The following PPP1CB variants were observed in gnomAD, a reference collection of about 807,000 sequenced individuals.
The protein encoded by PPP1CB is protein phosphatase 1 catalytic subunit beta.
In PPP1CB, 2 loss-of-function variants were observed where a neutral mutation model predicts 43.7. That is an observed-to-expected ratio of 0.05 (90% CI 0.02 to 0.14). PPP1CB has a LOEUF of 0.14. PPP1CB is among the 10% of genes least tolerant of loss of function. The pLI is 1.00. For missense variants in PPP1CB, 84 were observed against 398.0 expected, an observed-to-expected ratio of 0.21 and a Z score of 6.71; for synonymous variants, 136 against 135.6, an observed-to-expected ratio of 1.00 and a Z score of -0.02.
chr2:28,754,954 A>G lies in PPP1CB; in HGVS notation c.52+2778A>G, dbSNP rs1351791282. On this transcript the variant is annotated intron_variant, in intron 1 of 7. Coordinates refer to ENST00000395366, the MANE Select transcript of PPP1CB (RefSeq NM_002709.3). ...TGTTTTTTCTTTTTTACTGTATTAA[A>G]TCGCAGATCAGCTATACACACTTCT... Among the ~76,000 whole-genome samples the G allele has an allele frequency of 2.6e-5, 4 of 152,348 alleles. No individual in the cohort carries two copies. In the South Asian group the frequency reaches 6.2e-4, roughly 24 times the overall value.
intron 5 of PPP1CB, among the ~76,000 whole-genome samples, chr2:28,785,987 A>G (rs1667258731): frequency 6.6e-6 from 1 of 152,142 alleles, no homozygotes; most frequent in Admixed American, 6.5e-5. Flanking sequence ...AGTTTTCAAG[A>G]TGCTGAAAAC....
At chr2:28,799,030 CAA>C (rs1667554258) in intron 7 of PPP1CB, among the ~76,000 whole-genome samples, 167 bp from the exon 8 acceptor site, 2 of 152,022 alleles carry the variant, frequency 1.3e-5, no homozygotes, top group Non-Finnish European at 2.9e-5. Flanking sequence ...AGTGGAATGA[CAA>C]AGTTCAGACA....
Position 28,790,261 on chromosome 2 carries a change from A to C in PPP1CB, c.744+1452A>C, listed in dbSNP as rs2148057833. Among the ~76,000 whole-genome samples, 4 of 152,276 alleles carry C rather than the reference A, an allele frequency of 2.6e-5. No homozygotes were observed. The Middle Eastern group carries it at 0.014, about 518-fold the overall frequency. On this transcript the variant is annotated intron_variant, in intron 6 of 7. Transcript: ENST00000395366. ...GTACCATTTCACTCCTGCCTGTGCAATGGGTGTGAAACTCAGTCTCAAAAA... is the reference window on the plus strand; with the variant it reads ...GTACCATTTCACTCCTGCCTGTGCACTGGGTGTGAAACTCAGTCTCAAAAA...
rs1350883492 is a variant in PPP1CB, at chr2:28,770,387, G to A, written c.53-6464G>A. The stretch of plus-strand genomic sequence containing the variant: ...AAATGAGGAAGTAAAAAAAAGGGGG[G>A]GGGGAGGGGGGTGTGGGGGAGACGA... On this transcript the variant is annotated intron_variant, in intron 1 of 7. Transcript: ENST00000395366. Among the ~76,000 whole-genome samples the A allele has an allele frequency of 2.9e-4, 42 of 143,436 alleles. 2 individuals are homozygous for A. The highest frequency in any genetic ancestry group is 2.8e-3 in the Admixed American group (39 of 14,178). The allele number at this position is 143,436 out of a possible 152,430, so 94.1% of individuals were successfully genotyped here.
chr2:28,793,822 C>T (rs1667440549), intron 6 of PPP1CB, 41 bp from the exon 7 acceptor site: 1 of 1,609,600 alleles, frequency 6.2e-7, no homozygotes, highest in South Asian at 1.1e-5. Flanking sequence ...TCAGAATTAC[C>T]CACCAATAAA....
At chr2:28,776,063 C>T (rs955200437) in intron 1 of PPP1CB, among the ~76,000 whole-genome samples, 4 of 151,872 alleles carry the variant, frequency 2.6e-5, no homozygotes, top group African/African-American at 9.7e-5. Context: ...CTGCTGGTAA[C>T]ATTCCAAGAA....
intron 7 of PPP1CB, among the ~76,000 whole-genome samples, chr2:28,795,555 A>G (rs182041103): frequency 6.6e-6 from 1 of 152,220 alleles, no homozygotes; most frequent in East Asian, 1.9e-4. Flanking sequence ...GATTTACATT[A>G]ATAGTGATGA....
At chr2:28,752,609 C>T (rs2148450446) in intron 1 of PPP1CB, among the ~76,000 whole-genome samples, 1 of 152,306 alleles carries the variant, frequency 6.6e-6, no homozygotes, top group Middle Eastern at 3.4e-3. Flanking sequence ...TTGCCCTTGG[C>T]TGCCTCCGAT....
chr2:28,771,729 T>G (rs985258956), intron 1 of PPP1CB, among the ~76,000 whole-genome samples: 1 of 152,040 alleles, frequency 6.6e-6, no homozygotes, highest in Non-Finnish European at 1.5e-5. Context: ...AAAATTAATT[T>G]GAGATGGGTT....
chr2:28,788,574 A>G (rs1171414863), intron 5 of PPP1CB, 84 bp from the exon 6 acceptor site: 41 of 1,422,812 alleles, frequency 2.9e-5, no homozygotes, highest in Non-Finnish European at 3.8e-5. Flanking sequence ...AGGGCAAGAA[A>G]GGAACTGAAA....
chr2:28,770,365 TGAG>T (rs1322637898), intron 1 of PPP1CB, among the ~76,000 whole-genome samples: 1 of 82,516 alleles, frequency 1.2e-5, no homozygotes, highest in Non-Finnish European at 2.1e-5. Context: ...AGGACACAAA[TGAG>T]GAAGTAAAAA....
chr2:28,795,164 G>T (rs900505390), intron 7 of PPP1CB, among the ~76,000 whole-genome samples: 10 of 152,146 alleles, frequency 6.6e-5, no homozygotes, highest in African/African-American at 2.4e-4. Context: ...TGCTGCAAAG[G>T]ACCTGATTTC....
chr2:28,793,821 C>A (rs201590987), intron 6 of PPP1CB, 42 bp from the exon 7 acceptor site: 1 of 1,609,362 alleles, frequency 6.2e-7, no homozygotes, highest in Non-Finnish European at 8.5e-7. Flanking sequence ...TTCAGAATTA[C>A]CCACCAATAA....
In PPP1CB at chr2:28,751,954, C is replaced by T. The variant is rs1470766929; in HGVS notation, c.-171C>T. On this transcript the variant is annotated 5_prime_UTR_variant, in exon 1 of 8. Transcript: ENST00000395366. ...GTGCCTCCGAGTGTGCGCGCGCTCT[C>T]GCTACCCGGCGGGGAGGGGGTGGGG... 1.5e-6 allele frequency: 1 copy of T among 658,048 alleles called. No individual in the cohort carries two copies. Among genetic ancestry groups the T allele is most frequent in the African/African-American group, 2.3e-5 (1 of 44,064 alleles). 40.8% of individuals were successfully genotyped at this position (658,048 alleles called of 1,614,324 possible).
chr2:28,753,888 T>A (rs574016768), intron 1 of PPP1CB, among the ~76,000 whole-genome samples: 3 of 152,024 alleles, frequency 2.0e-5, no homozygotes, highest in African/African-American at 4.8e-5. Flanking sequence ...CACCCCGCCA[T>A]CATGCCCGGC....
intron 3 of PPP1CB, among the ~76,000 whole-genome samples, chr2:28,780,084 C>CTTTTTTTTTTTTTTTTTTTT (rs10559224): frequency 1.5e-5 from 2 of 131,794 alleles, no homozygotes; most frequent in Non-Finnish European, 1.6e-5. Context: ...TCTTTTCTTT[C>CTTTTTTTTTTTTTTTTTTTT]TTTTTTTTTT....
intron 1 of PPP1CB, among the ~76,000 whole-genome samples, chr2:28,772,150 C>G (rs1227275853): frequency 6.6e-6 from 1 of 151,914 alleles, no homozygotes; most frequent in East Asian, 1.9e-4. Flanking sequence ...AACCCTGTCT[C>G]TACAAAAATT....
intron 6 of PPP1CB, among the ~76,000 whole-genome samples, chr2:28,791,359 C>T (rs969549964): frequency 3.3e-5 from 5 of 152,022 alleles, no homozygotes; most frequent in Middle Eastern, 3.4e-3. Context: ...GAGACAGAGT[C>T]TCACACTGTT....
chr2:28,770,947 A>G (rs1433572914), intron 1 of PPP1CB, among the ~76,000 whole-genome samples: 1 of 152,106 alleles, frequency 6.6e-6, no homozygotes, highest in African/African-American at 2.4e-5. Flanking sequence ...GCTGAGAGAA[A>G]TAAATAAAAG....
Sources: gnomAD v4.1 joint callset for allele counts (sites outside exome capture counted in the v4.1 genomes callset) on GRCh38, gnomAD v4.1.1 for gene constraint, MANE v1.5 for transcripts, NCBI Gene and HGNC (gene_info 2026-07-23, HGNC 2026-07-21) for gene names.